Variants in TDRD9 observed in about 807,000 individuals in gnomAD.
TDRD9 encodes tudor domain containing 9.
A neutral mutation model predicts 172.6 loss-of-function variants in TDRD9; 124 were observed. The ratio of observed to expected loss-of-function variants is 0.72; its 90% CI spans 0.62 to 0.83. TDRD9 has a LOEUF of 0.83. Ranked by LOEUF, TDRD9 falls within the 40% of genes least tolerant of loss-of-function variation. TDRD9 has a pLI of 0.00. For missense variants in TDRD9, 1,479 were observed against 1,714.1 expected (o/e 0.86, Z 2.42); for synonymous variants, 619 against 617.1 (o/e 1.00, Z -0.05).
At chr14:103,993,250 C>T (rs944001472) in intron 9 of TDRD9, among the ~76,000 whole-genome samples, 1 of 152,110 alleles carries the variant, frequency 6.6e-6, no homozygotes, top group Non-Finnish European at 1.5e-5. Flanking sequence ...GCCTCAGCCT[C>T]CCAAAGTGTT....
intron 35 of TDRD9, among the ~76,000 whole-genome samples, chr14:104,051,702 C>T (rs887059771): frequency 6.6e-6 from 1 of 152,158 alleles, no homozygotes; most frequent in African/African-American, 2.4e-5. Flanking sequence ...CTGATGATTA[C>T]TGATGTGTGG....
At chr14:104,025,174 G>A (rs1417390702) in intron 25 of TDRD9, among the ~76,000 whole-genome samples, 4 of 152,122 alleles carry the variant, frequency 2.6e-5, no homozygotes, top group African/African-American at 9.7e-5. Flanking sequence ...TAGAGACGGG[G>A]TTTTACCACA....
chr14:103,928,924 GTTTTTT>G (rs543255081), intron 1 of TDRD9, 200 bp downstream of exon 1: 2 of 117,732 alleles, frequency 1.7e-5, no homozygotes, highest in Non-Finnish European at 3.3e-5. Flanking sequence ...TGAGCTAGAG[GTTTTTT>G]TTTTTTTTTT....
intron 9 of TDRD9, 90 bp from the exon 10 acceptor site, chr14:103,994,242 T>A: frequency 8.6e-7 from 1 of 1,157,662 alleles, no homozygotes; most frequent in Non-Finnish European, 1.3e-6. Flanking sequence ...AGGGCCTTCT[T>A]TGAAAGATAT....
chr14:104,014,215 C>T (rs551513950), intron 20 of TDRD9, among the ~76,000 whole-genome samples: 1 of 113,840 alleles, frequency 8.8e-6, no homozygotes, highest in Non-Finnish European at 1.7e-5. Context: ...GCCTGGACAA[C>T]AGAGCGAGAC....
chr14:103,968,745 G>C (rs1183537218), intron 5 of TDRD9, among the ~76,000 whole-genome samples: 2 of 113,948 alleles, frequency 1.8e-5, no homozygotes, highest in African/African-American at 6.6e-5. Flanking sequence ...GCAGTGAGCT[G>C]AGATTGCGCC....
intron 1 of TDRD9, among the ~76,000 whole-genome samples, chr14:103,951,655 A>C (rs1477537797): frequency 6.6e-6 from 1 of 152,258 alleles, no homozygotes; most frequent in Non-Finnish European, 1.5e-5. Context: ...TCCTGTGTAG[A>C]AGCTGTTCTC....
rs553477605 is a variant in TDRD9 at position 104,043,469 on chromosome 14, G to A, written c.3974+1282G>A. ...TTGGTCAGGTGAACTCCTGACCTCA[G>A]GCGATCCACCCGCTTCAGCCTCCCA... On this transcript the variant is annotated intron_variant, in intron 34 of 35. Transcript: ENST00000409874. Among the ~76,000 whole-genome samples the A allele has an allele frequency of 6.6e-5, 10 of 152,186 alleles. No homozygotes were observed. In the East Asian group the frequency reaches 1.4e-3, roughly 21 times the overall value.
intron 8 of TDRD9, 121 bp from the exon 9 acceptor site, chr14:103,991,039 C>G: frequency 8.8e-7 from 1 of 1,131,340 alleles, no homozygotes; most frequent in Non-Finnish European, 1.3e-6. Flanking sequence ...AAATAAGGAA[C>G]ATTACATTGG....
At chr14:104,045,630 T>C (rs554331658) in intron 34 of TDRD9, among the ~76,000 whole-genome samples, 10 of 152,378 alleles carry the variant, frequency 6.6e-5, no homozygotes, top group African/African-American at 2.4e-4. Flanking sequence ...GAATGTGATA[T>C]GTTTGAAACC....
chr14:103,944,207 C>T (rs373748251), intron 1 of TDRD9, among the ~76,000 whole-genome samples: 4 of 152,068 alleles, frequency 2.6e-5, no homozygotes, highest in African/African-American at 4.8e-5. Flanking sequence ...TACAGTCTTA[C>T]GTTATCCCTC....
At chr14:103,970,766 T>C in intron 6 of TDRD9, 145 bp downstream of exon 6, 1 of 644,934 alleles carries the variant, frequency 1.6e-6, no homozygotes. Flanking sequence ...AAGTGCCTTA[T>C]ATGAAATGGC....
chr14:103,929,857 A>G (rs1345970651), intron 1 of TDRD9, among the ~76,000 whole-genome samples: 1 of 152,142 alleles, frequency 6.6e-6, no homozygotes, highest in Non-Finnish European at 1.5e-5. Flanking sequence ...TGTGGACATA[A>G]GTTTTCAACT....
chr14:103,954,520 T>C (rs753545706), intron 1 of TDRD9, among the ~76,000 whole-genome samples: 2 of 152,262 alleles, frequency 1.3e-5, no homozygotes, highest in Non-Finnish European at 2.9e-5. Context: ...TTTCCATGCA[T>C]GTCTTTGCAC....
chr14:103,929,530 C>T lies in TDRD9; in HGVS notation c.215+806C>T, dbSNP rs145243984. ...CTTGGTTGCTTCCAAGTTCTCCCCC[C>T]ACCCCCCGAGATGGAGTCTCACTTT... On this transcript the variant is annotated intron_variant, in intron 1 of 35. Coordinates refer to ENST00000409874, the MANE Select transcript of TDRD9 (RefSeq NM_153046.3). 6.5e-3 allele frequency among the ~76,000 whole-genome samples: 984 copies of T among 151,994 alleles called. 3 individuals are homozygous for T. The highest frequency in any genetic ancestry group is 0.012 in the Non-Finnish European group (785 of 67,950).
intron 31 of TDRD9, 145 bp from the exon 32 acceptor site, chr14:104,034,815 G>A: frequency 5.0e-6 from 3 of 604,976 alleles, no homozygotes; most frequent in East Asian, 2.9e-5. Context: ...GGGAGTGTGC[G>A]TTACTATTGG....
intron 7 of TDRD9, among the ~76,000 whole-genome samples, chr14:103,982,379 GCACCT>G: frequency 6.6e-6 from 1 of 152,168 alleles, no homozygotes; most frequent in Admixed American, 6.5e-5. Context: ...CACTCAGACT[GCACCT>G]GCCAGGGTCC....
chr14:104,005,150 C>G, intron 14 of TDRD9, 124 bp from the exon 15 acceptor site: 1 of 884,200 alleles, frequency 1.1e-6, no homozygotes, highest in Non-Finnish European at 1.7e-6. Flanking sequence ...TCAATCCTCT[C>G]CATTTTTCTT....
At chr14:103,968,679 C>T (rs1001287427) in intron 5 of TDRD9, among the ~76,000 whole-genome samples, 16 of 147,180 alleles carry the variant, frequency 1.1e-4, no homozygotes, top group Non-Finnish European at 9.0e-5. Context: ...GCCTGTAGTC[C>T]CAGCTACTCA....
Sources: allele counts gnomAD v4.1 joint callset (sites outside exome capture counted in the v4.1 genomes callset), GRCh38; gene constraint gnomAD v4.1.1; transcripts MANE v1.5; gene names NCBI Gene and HGNC (gene_info 2026-07-23, HGNC 2026-07-21).